WASF3: variants seen among roughly 807,000 people sequenced by gnomAD.
WASF3 encodes the protein actin-binding protein WASF3.
WASF3 carries 11 observed loss-of-function variants against 46.6 expected under a neutral mutation model. That is an observed-to-expected ratio of 0.24 (90% confidence interval 0.15 to 0.39). The LOEUF (loss-of-function observed/expected upper bound fraction) is 0.39. WASF3 is among the 10% of genes least tolerant of loss of function. The pLI, the probability that WASF3 is intolerant of heterozygous loss-of-function variation, is 1.00. For missense variants in WASF3, 576 were observed against 669.8 expected (o/e 0.86, Z 1.55); for synonymous variants, 242 against 259.7 (o/e 0.93, Z 0.65).
At chr13:26,623,033 G>A (rs1233533087) in intron 2 of WASF3, among the ~76,000 whole-genome samples, 2 of 152,196 alleles carry the variant, frequency 1.3e-5, no homozygotes, top group Admixed American at 6.5e-5. Flanking sequence ...CACTTGAACT[G>A]TTTCACATTT....
chr13:26,678,956 C>CT (rs1566073338), intron 7 of WASF3, among the ~76,000 whole-genome samples: 6 of 152,168 alleles, frequency 3.9e-5, no homozygotes, highest in African/African-American at 1.4e-4. Context: ...TCCCGGCCCT[C>CT]CTCCTCCCAT....
intron 2 of WASF3, among the ~76,000 whole-genome samples, chr13:26,631,934 A>G (rs1881663659): frequency 6.6e-6 from 1 of 152,168 alleles, no homozygotes; most frequent in South Asian, 2.1e-4. Flanking sequence ...CTTTGTAGCA[A>G]TTGTGAATGG....
At chr13:26,565,533 C>T (rs1879437953) in intron 1 of WASF3, among the ~76,000 whole-genome samples, 1 of 152,210 alleles carries the variant, frequency 6.6e-6, no homozygotes, top group South Asian at 2.1e-4. Context: ...TAAAACGTAT[C>T]TCCATTCTTG....
intron 1 of WASF3, among the ~76,000 whole-genome samples, chr13:26,608,750 G>T (rs1292237395): frequency 6.6e-6 from 1 of 152,222 alleles, no homozygotes; most frequent in Admixed American, 6.5e-5. Flanking sequence ...GAAACACAAA[G>T]ATTGCTGTCT....
chr13:26,653,521 C>T (rs1882378466), intron 3 of WASF3, among the ~76,000 whole-genome samples: 1 of 152,168 alleles, frequency 6.6e-6, no homozygotes, highest in African/African-American at 2.4e-5. Flanking sequence ...ATCCAGTGGC[C>T]AGGATCAGCC....
upstream of WASF3, chr13:26,557,668 G>A (rs1879134957): frequency 6.2e-6 from 1 of 160,842 alleles, no homozygotes. Flanking sequence ...GCCGGGAGGG[G>A]GCGTGGCCGC....
chr13:26,682,736 C>T lies in WASF3; in HGVS notation c.1113C>T (p.Phe371=), dbSNP rs775453186. 56 of 1,613,788 alleles carry T rather than the reference C, an allele frequency of 3.5e-5. No individual in the cohort carries two copies. The highest frequency in any genetic ancestry group is 4.2e-5 in the Non-Finnish European group (50 of 1,180,032). Residue 371 remains phenylalanine (F), a synonymous_variant, in exon 9 of 10, where the codon TTC becomes TTT. Coordinates refer to ENST00000335327, the MANE Select transcript of WASF3 (RefSeq NM_006646.6). The surrounding 1 kb of genome is among the most constrained non-coding windows in gnomAD (Gnocchi z 4.4). ...TCCAGATGCCCATGCAGCCCCCGTT[C>T]CCTGCATCAGCCAGCTCCACGCACG... ...SPLQMPMQPP[F]PASASSTHAA...
rs1424168946 is a variant in WASF3 at position 26,679,642 on chromosome 13, G to A, written c.717-1412G>A. 6.6e-6 allele frequency among the ~76,000 whole-genome samples: 1 copy of A among 152,166 alleles called. No homozygotes were observed. The highest frequency in any genetic ancestry group is 1.5e-5 in the Non-Finnish European group (1 of 68,028). On this transcript the variant is annotated intron_variant, in intron 7 of 9. Coordinates refer to ENST00000335327, the MANE Select transcript of WASF3 (RefSeq NM_006646.6). The surrounding 1 kb of genome is among the most constrained non-coding windows in gnomAD (Gnocchi z 4.8). Reference sequence around the variant, plus strand: ...GACTCGTAGTCATGCGCAGAGTCAAGCACACATCATCAGTGTCTCCAAGGG... The same window carrying A: ...GACTCGTAGTCATGCGCAGAGTCAAACACACATCATCAGTGTCTCCAAGGG...
intron 1 of WASF3, among the ~76,000 whole-genome samples, chr13:26,561,266 G>C (rs1879286533): frequency 6.6e-6 from 1 of 152,100 alleles, no homozygotes; most frequent in African/African-American, 2.4e-5. Context: ...ATTAGAAGAG[G>C]GAAGGCTTGA....
rs752834990 is a variant in WASF3, at chr13:26,671,905, T to G, written c.456T>G (p.Thr152=). 6.2e-7 allele frequency: 1 copy of G among 1,610,398 alleles called. No homozygotes were observed. The highest frequency in any genetic ancestry group is 8.5e-7 in the Non-Finnish European group (1 of 1,179,030). The change falls in exon 6 of 10, where the codon ACT becomes ACG. Residue 152 remains threonine, a synonymous_variant. Coordinates refer to ENST00000335327, the MANE Select transcript of WASF3 (RefSeq NM_006646.6). ...AGAAGGATGGGCTGAAGTTCTATAC[T>G]GATCCTTCCTATTTCTTTGACCTCT... ...DDKKDGLKFY[T]DPSYFFDLWK... is the part of the protein sequence containing the mutation.
Position 26,688,728 on chromosome 13 carries a change from G to A in WASF3, c.*2883G>A, listed in dbSNP as rs1450409258. 6.6e-6 allele frequency: 1 copy of A among 152,144 alleles called. No homozygotes were observed. Among genetic ancestry groups the A allele is most frequent in the African/African-American group, 2.4e-5 (1 of 41,406 alleles). 9.4% of individuals were successfully genotyped at this position (152,144 alleles called of 1,614,324 possible). ...ACATATTAATCCATTAAAGACTAGTGGGAATGTATCAGCCAGAGTAGCAAG... is the reference window on the plus strand; with the variant it reads ...ACATATTAATCCATTAAAGACTAGTAGGAATGTATCAGCCAGAGTAGCAAG... On this transcript the variant is annotated 3_prime_UTR_variant, in exon 10 of 10. Transcript: ENST00000335327.
At chr13:26,636,314 G>A (rs1037351039) in intron 2 of WASF3, among the ~76,000 whole-genome samples, 6 of 152,244 alleles carry the variant, frequency 3.9e-5, no homozygotes, top group African/African-American at 4.8e-5. Flanking sequence ...GGTACCCACC[G>A]AGCCAGGCAC....
intron 2 of WASF3, chr13:26,622,896 C>G (rs1308227230): frequency 6.6e-6 from 1 of 152,194 alleles, no homozygotes; most frequent in Non-Finnish European, 1.5e-5. Flanking sequence ...GGTGGAGTTT[C>G]TCTTCCAATT....
At chr13:26,579,697 A>G (rs889187444) in intron 1 of WASF3, among the ~76,000 whole-genome samples, 9 of 152,176 alleles carry the variant, frequency 5.9e-5, no homozygotes, top group Admixed American at 5.2e-4. Context: ...AGTGTTCAGC[A>G]TGATATAGAC....
chr13:26,611,920 T>C (rs556917947), intron 1 of WASF3, among the ~76,000 whole-genome samples: 1 of 152,068 alleles, frequency 6.6e-6, no homozygotes, highest in South Asian at 2.1e-4. Flanking sequence ...ATAGAATTCA[T>C]GGGGGTCCAG....
intron 1 of WASF3, chr13:26,577,075 G>A: frequency 1.3e-6 from 1 of 765,430 alleles, no homozygotes; most frequent in Non-Finnish European, 2.3e-6. Flanking sequence ...TGGCCTCAAG[G>A]GTCATGTGTT....
intron 1 of WASF3, among the ~76,000 whole-genome samples, chr13:26,566,969 A>G (rs1013827532): frequency 3.3e-5 from 5 of 152,312 alleles, no homozygotes; most frequent in African/African-American, 1.2e-4. Flanking sequence ...TCTTTTCCTT[A>G]ATATGTCCCC....
intron 6 of WASF3, among the ~76,000 whole-genome samples, chr13:26,673,694 T>G (rs1301139630): frequency 6.6e-6 from 1 of 152,222 alleles, no homozygotes; most frequent in African/African-American, 2.4e-5. Flanking sequence ...AAAACCCATG[T>G]TTTTGAACTT....
chr13:26,605,622 T>C (rs17084379), intron 1 of WASF3, among the ~76,000 whole-genome samples: 8,922 of 152,218 alleles, frequency 0.059, 685 homozygotes, highest in African/African-American at 0.17. Context: ...CAGTGAAGAA[T>C]GGAATTAGGG....
Sources: gnomAD v4.1 joint callset for allele counts (sites outside exome capture counted in the v4.1 genomes callset) on GRCh38, gnomAD v4.1.1 for gene constraint, Gnocchi (gnomAD v3.1) non-coding constraint, MANE v1.5 for transcripts, NCBI Gene and HGNC (gene_info 2026-07-23, HGNC 2026-07-21) for gene names.